Variants in WWOX observed in about 807,000 individuals in gnomAD.
The protein encoded by WWOX is WW domain-containing oxidoreductase.
A neutral mutation model predicts 46.2 loss-of-function variants in WWOX; 69 were observed. The observed-to-expected ratio is 1.49, with a 90% confidence interval of 1.23 to 1.82. The LOEUF is 1.82. Ranked by LOEUF, WWOX falls within the 40% of genes most tolerant of loss-of-function variation. WWOX has a pLI of 0.00. For synonymous variants in WWOX, 359 were observed against 202.6 expected (o/e 1.77, Z -6.56); for missense variants, 919 against 542.6 (o/e 1.69, Z -6.89).
chr16:78,152,768 A>T (rs2034462605), intron 4 of WWOX, among the ~76,000 whole-genome samples: 1 of 152,254 alleles, frequency 6.6e-6, no homozygotes, highest in South Asian at 2.1e-4. Flanking sequence ...TCATGCAGTC[A>T]ACTGGGATTT....
At chr16:78,663,877 G>A (rs1305887076) in intron 8 of WWOX, among the ~76,000 whole-genome samples, 1 of 152,174 alleles carries the variant, frequency 6.6e-6, no homozygotes, top group Non-Finnish European at 1.5e-5. Flanking sequence ...ATGTGTTCAA[G>A]GGAGAGTAAG....
At chr16:78,601,924 C>A (rs547798552) in intron 8 of WWOX, among the ~76,000 whole-genome samples, 1 of 152,072 alleles carries the variant, frequency 6.6e-6, no homozygotes, top group Admixed American at 6.6e-5. Flanking sequence ...GTTTTATTAG[C>A]GAAATCATCA....
At chr16:79,207,301 A>G (rs760862051) in intron 8 of WWOX, among the ~76,000 whole-genome samples, 4 of 152,250 alleles carry the variant, frequency 2.6e-5, no homozygotes, top group African/African-American at 9.6e-5. Context: ...ATGAGTAACA[A>G]TGGAAGTAGG....
intron 8 of WWOX, among the ~76,000 whole-genome samples, chr16:78,828,395 G>C (rs966284554): frequency 6.6e-6 from 1 of 152,096 alleles, no homozygotes; most frequent in Admixed American, 6.5e-5. Context: ...CAACATTTAG[G>C]CAATATGACC....
chr16:78,401,366 G>A (rs530947857), intron 6 of WWOX, among the ~76,000 whole-genome samples: 1 of 152,282 alleles, frequency 6.6e-6, no homozygotes, highest in South Asian at 2.1e-4. Context: ...CAGATATTGA[G>A]AATAAATTCA....
chr16:78,522,757 C>G (rs114901336), intron 8 of WWOX, among the ~76,000 whole-genome samples: 1 of 152,144 alleles, frequency 6.6e-6, no homozygotes, highest in Non-Finnish European at 1.5e-5. Flanking sequence ...AAAGTCAAGT[C>G]GAATATCTGG....
chr16:78,624,662 C>G (rs1456594569), intron 8 of WWOX, among the ~76,000 whole-genome samples: 1 of 152,100 alleles, frequency 6.6e-6, no homozygotes, highest in Non-Finnish European at 1.5e-5. Context: ...GGGGAAAAAA[C>G]CCTCACTTTT....
chr16:78,793,209 A>C (rs1051245225), intron 8 of WWOX, among the ~76,000 whole-genome samples: 1 of 152,096 alleles, frequency 6.6e-6, no homozygotes, highest in African/African-American at 2.4e-5. Flanking sequence ...AGTAACTGGG[A>C]CCACAATGCC....
intron 8 of WWOX, among the ~76,000 whole-genome samples, chr16:78,716,835 G>GCTGTCTCCCTACA (rs1567511744): frequency 5.3e-5 from 8 of 152,082 alleles, no homozygotes; most frequent in African/African-American, 1.9e-4. Context: ...CCCTCCCTAC[G>GCTGTCTCCCTACA]CAACCACAGC....
intron 5 of WWOX, among the ~76,000 whole-genome samples, chr16:78,195,597 G>A (rs1164255250): frequency 2.6e-5 from 4 of 151,964 alleles, no homozygotes; most frequent in East Asian, 1.9e-4. Context: ...TAAGGTGGGC[G>A]AATCACCCCA....
intron 8 of WWOX, among the ~76,000 whole-genome samples, chr16:78,505,391 A>G (rs901240513): frequency 6.6e-6 from 1 of 152,092 alleles, no homozygotes; most frequent in Non-Finnish European, 1.5e-5. Context: ...AGGCCCTCTG[A>G]GTGGGGCTCA....
At chr16:78,480,278 C>G (rs750534300) in intron 8 of WWOX, among the ~76,000 whole-genome samples, 1 of 152,200 alleles carries the variant, frequency 6.6e-6, no homozygotes, top group Non-Finnish European at 1.5e-5. Context: ...TAGTAGAATG[C>G]TCTTTTGGAT....
chr16:78,651,112 C>T (rs1473352139), intron 8 of WWOX, among the ~76,000 whole-genome samples: 1 of 152,208 alleles, frequency 6.6e-6, no homozygotes, highest in Non-Finnish European at 1.5e-5. Context: ...ACCCAAGGCC[C>T]AGGTACCTGG....
At chr16:78,384,440 A>G (rs892984684) in intron 5 of WWOX, among the ~76,000 whole-genome samples, 1 of 152,132 alleles carries the variant, frequency 6.6e-6, no homozygotes, top group African/African-American at 2.4e-5. Flanking sequence ...AAATATTTTT[A>G]ATCATCAGAT....
intron 5 of WWOX, among the ~76,000 whole-genome samples, chr16:78,319,444 T>C (rs1597477590): frequency 1.3e-5 from 2 of 152,132 alleles, no homozygotes; most frequent in East Asian, 3.9e-4. Context: ...GTATTTTTAG[T>C]AGAGGTGGGG....
chr16:78,824,804 C>T (rs2223108), intron 8 of WWOX, among the ~76,000 whole-genome samples: 42,307 of 151,986 alleles, frequency 0.28, 6,658 homozygotes, highest in East Asian at 0.43. Flanking sequence ...CTGGGAGATA[C>T]AATTCAAGTT....
intron 5 of WWOX, among the ~76,000 whole-genome samples, chr16:78,308,893 C>A (rs1041742079): frequency 6.6e-6 from 1 of 152,118 alleles, no homozygotes; most frequent in African/African-American, 2.4e-5. Context: ...TACGGTTTGG[C>A]CGCATCGCCA....
At chr16:78,717,630 C>T (rs2048594627) in intron 8 of WWOX, among the ~76,000 whole-genome samples, 1 of 152,124 alleles carries the variant, frequency 6.6e-6, no homozygotes. Flanking sequence ...TTTCCCCAGA[C>T]ACACGGAGGA....
At chr16:78,864,865 C>T (rs1332336616) in intron 8 of WWOX, among the ~76,000 whole-genome samples, 3 of 143,644 alleles carry the variant, frequency 2.1e-5, no homozygotes, top group African/African-American at 7.8e-5. Flanking sequence ...CGGGTTCAAG[C>T]GATTCTCCTG....
Sources: gnomAD v4.1 joint callset for allele counts (sites outside exome capture counted in the v4.1 genomes callset) on GRCh38, gnomAD v4.1.1 for gene constraint, MANE v1.5 for transcripts, NCBI Gene and HGNC (gene_info 2026-07-23, HGNC 2026-07-21) for gene names.